Variants in OR5K2 observed in about 807,000 individuals in gnomAD.
The protein encoded by OR5K2 is olfactory receptor 5K2.
For synonymous variants in OR5K2, 124 were observed against 133.2 expected, an observed-to-expected ratio of 0.93 and a Z score of 0.48; for missense variants, 402 against 369.8, an observed-to-expected ratio of 1.09 and a Z score of -0.71.
chr3:98,498,297 T>G lies in OR5K2; in HGVS notation c.617T>G (p.Val206Gly). 1 of 1,613,968 alleles carries G rather than the reference T, an allele frequency of 6.2e-7. No individual in the cohort carries two copies. The highest frequency in any genetic ancestry group is 1.1e-5 in the South Asian group (1 of 91,072). Residue 206 changes from valine to glycine, a missense_variant, in exon 1 of 1, where the codon GTT becomes GGT. Coordinates refer to ENST00000427338, the MANE Select transcript of OR5K2 (RefSeq NM_001004737.1). ...GTTCTATTCATCTTCTCAGGTTCAGTTCAAGTCTTTACCATAGGTAGTGTC... is the reference window on the plus strand; with the variant it reads ...GTTCTATTCATCTTCTCAGGTTCAGGTCAAGTCTTTACCATAGGTAGTGTC... ...ELVLFIFSGS[V>G]QVFTIGSVLI...
Position 98,498,443 on chromosome 3 carries a change from AT to A in OR5K2, c.770del (p.Phe257SerfsTer24), listed in dbSNP as rs747087385. Reference sequence around the variant, plus strand: ...ATCAGTTTCATTATTCTATGGATCTATTTTTTTCCTATACATTAGACCAAAT... The same window carrying A: ...ATCAGTTTCATTATTCTATGGATCTATTTTTTCCTATACATTAGACCAAAT... The part of the protein sequence containing the change: ...FSSVSLFYGS[I>X]FFLYIRPNLL... On this transcript the variant is annotated frameshift_variant, in exon 1 of 1. Transcript: ENST00000427338. LOFTEE classifies it low-confidence loss of function (END_TRUNC). 2.5e-6 allele frequency: 4 copies of A among 1,613,458 alleles called. No homozygotes were observed. Among genetic ancestry groups the A allele is most frequent in the African/African-American group, 1.3e-5 (1 of 74,996 alleles).
chr3:98,498,277 A>T lies in OR5K2; in HGVS notation c.597A>T (p.Leu199=), dbSNP rs775779983. 6.2e-7 allele frequency: 1 copy of T among 1,613,850 alleles called. No individual in the cohort carries two copies. The highest frequency in any genetic ancestry group is 8.5e-7 in the Non-Finnish European group (1 of 1,179,936). ...ACCCTTTCATCAATGAACTGGTTCT[A>T]TTCATCTTCTCAGGTTCAGTTCAAG... is the stretch of plus-strand genomic sequence containing the variant. The part of the protein sequence containing the change: ...CVDPFINELV[L]FIFSGSVQVF... Residue 199 remains leucine, a synonymous_variant, in exon 1 of 1, where the codon CTA becomes CTT. Coordinates refer to ENST00000427338, the MANE Select transcript of OR5K2 (RefSeq NM_001004737.1).
At position 98,498,347 on chromosome 3, in the gene OR5K2, C is replaced by A; in HGVS notation, c.667C>A (p.Leu223Ile). The change falls in exon 1 of 1, where the codon CTT (leucine) becomes ATT (isoleucine). Residue 223 changes from leucine (L) to isoleucine (I), a missense_variant. Coordinates refer to ENST00000427338, the MANE Select transcript of OR5K2 (RefSeq NM_001004737.1). ...SVLISYLYIL[L>I]TIFRMKSKEG... Reference sequence around the variant, plus strand: ...CTTAATATCTTATCTCTATATTCTTCTTACTATTTTCAGAATGAAATCCAA... The same window carrying A: ...CTTAATATCTTATCTCTATATTCTTATTACTATTTTCAGAATGAAATCCAA... 1.2e-6 allele frequency: 2 copies of A among 1,613,770 alleles called. No homozygotes were observed. The highest frequency in any genetic ancestry group is 1.7e-6 in the Non-Finnish European group (2 of 1,179,822).
At position 98,498,572 on chromosome 3, in the gene OR5K2, A is replaced by G. The variant is rs747090680; in HGVS notation, c.892A>G (p.Ile298Val). The G allele has an allele frequency of 1.6e-5, 25 of 1,599,284 alleles. No homozygotes were observed. The Admixed American group carries it at 2.8e-4, about 18-fold the overall frequency. The change falls in exon 1 of 1, where the codon ATA becomes GTA. Residue 298 changes from isoleucine to valine, a missense_variant. Ile to Val is a conservative substitution (Grantham distance 29). Transcript: ENST00000427338. Reference sequence around the variant, plus strand: ...TTATAGTCTGAGAAACAAGGAAGTAATAAGTGTCTTAAGAAAAATTCTGCT... The same window carrying G: ...TTATAGTCTGAGAAACAAGGAAGTAGTAAGTGTCTTAAGAAAAATTCTGCT... ...FIYSLRNKEVISVLRKILLKI... is the reference protein window; with the variant it reads ...FIYSLRNKEVVSVLRKILLKI...
Position 98,498,172 on chromosome 3 carries a change from T to C in OR5K2, c.492T>C (p.Phe164=), listed in dbSNP as rs1459864731. The C allele has an allele frequency of 6.2e-7, 1 of 1,614,108 alleles. No individual in the cohort carries two copies. The highest frequency in any genetic ancestry group is 2.2e-5 in the East Asian group (1 of 44,884). Residue 164 remains phenylalanine (F), a synonymous_variant, in exon 1 of 1, where the codon TTT becomes TTC. Coordinates refer to ENST00000427338, the MANE Select transcript of OR5K2 (RefSeq NM_001004737.1). ...LHSMIHVGLV[F]RLVFCGLNHI... is the part of the protein sequence containing the mutation. ...CCATGATTCATGTAGGGCTTGTATT[T>C]AGGTTAGTTTTCTGTGGATTGAATC... is the stretch of plus-strand genomic sequence containing the variant.
rs1705723063 is a variant in OR5K2, at chr3:98,497,976, TAC to T, written c.298_299del (p.Gln100ValfsTer21). ...AGGATTTCCCTCTATGAATGTGCAG[TAC>T]AGTTTTATTTTCTTTGCACTGTGGA... On this transcript the variant is annotated frameshift_variant, in exon 1 of 1. Transcript: ENST00000427338. LOFTEE classifies it low-confidence loss of function (END_TRUNC). The T allele has an allele frequency of 6.2e-7, 1 of 1,614,000 alleles. No homozygotes were observed. The highest frequency in any genetic ancestry group is 1.7e-5 in the Admixed American group (1 of 59,972).
rs1559646901 is a variant in OR5K2 at position 98,498,304 on chromosome 3, C to T, written c.624C>T (p.Val208=). 1.9e-6 allele frequency: 3 copies of T among 1,613,874 alleles called. No homozygotes were observed. In the South Asian group the frequency reaches 3.3e-5, roughly 18 times the overall value. Residue 208 remains valine (V), a synonymous_variant, in exon 1 of 1, where the codon GTC becomes GTT. Coordinates refer to ENST00000427338, the MANE Select transcript of OR5K2 (RefSeq NM_001004737.1). ...VLFIFSGSVQ[V]FTIGSVLISY... ...TCATCTTCTCAGGTTCAGTTCAAGT[C>T]TTTACCATAGGTAGTGTCTTAATAT...
chr3:98,498,578 G>A lies in OR5K2; in HGVS notation c.898G>A (p.Val300Ile). 6.3e-7 allele frequency: 1 copy of A among 1,595,582 alleles called. No individual in the cohort carries two copies. The change falls in exon 1 of 1, where the codon GTC (valine) becomes ATC (isoleucine). Residue 300 changes from valine (V) to isoleucine (I), a missense_variant. Transcript: ENST00000427338. ...TCTGAGAAACAAGGAAGTAATAAGTGTCTTAAGAAAAATTCTGCTGAAAAT... is the reference window on the plus strand; with the variant it reads ...TCTGAGAAACAAGGAAGTAATAAGTATCTTAAGAAAAATTCTGCTGAAAAT... The part of the protein sequence containing the change: ...YSLRNKEVIS[V>I]LRKILLKIKS...
At position 98,498,137 on chromosome 3, in the gene OR5K2, A is replaced by C; in HGVS notation, c.457A>C (p.Asn153His). Residue 153 changes from asparagine to histidine, a missense_variant, in exon 1 of 1, where the codon AAT becomes CAT. By Grantham distance (68) the Asn-to-His change is moderately conservative. Transcript: ENST00000427338. Reference sequence around the variant, plus strand: ...GACCACAGGCGCCTTCATAGCTGGAAATCTGCATTCCATGATTCATGTAGG... The same window carrying C: ...GACCACAGGCGCCTTCATAGCTGGACATCTGCATTCCATGATTCATGTAGG... ...QMTTGAFIAGNLHSMIHVGLV... is the reference protein window; with the variant it reads ...QMTTGAFIAGHLHSMIHVGLV... The C allele has an allele frequency of 1.2e-6, 2 of 1,614,046 alleles. No homozygotes were observed. The highest frequency in any genetic ancestry group is 1.7e-6 in the Non-Finnish European group (2 of 1,179,956).
chr3:98,497,973 C>A lies in OR5K2; in HGVS notation c.293C>A (p.Ala98Glu). Residue 98 changes from alanine to glutamate, a missense_variant, in exon 1 of 1, where the codon GCA becomes GAA. Coordinates refer to ENST00000427338, the MANE Select transcript of OR5K2 (RefSeq NM_001004737.1). ...AAAAGGATTTCCCTCTATGAATGTG[C>A]AGTACAGTTTTATTTTCTTTGCACT... ...EGKRISLYEC[A>E]VQFYFLCTVE... is the part of the protein sequence containing the mutation. The A allele has an allele frequency of 6.2e-7, 1 of 1,614,072 alleles. No individual in the cohort carries two copies. Among genetic ancestry groups the A allele is most frequent in the Non-Finnish European group, 8.5e-7 (1 of 1,179,976 alleles).
chr3:98,497,827 A>G lies in OR5K2; in HGVS notation c.147A>G (p.Ile49Met). The change falls in exon 1 of 1, where the codon ATA becomes ATG. Residue 49 changes from isoleucine to methionine, a missense_variant. Coordinates refer to ENST00000427338, the MANE Select transcript of OR5K2 (RefSeq NM_001004737.1). The part of the protein sequence containing the change: ...VVGNISLVAL[I>M]FTHCRLHTPM... The stretch of plus-strand genomic sequence containing the variant: ...GGAATATTAGTTTGGTGGCACTGAT[A>G]TTTACACACTGTCGGCTTCACACAC... The G allele has an allele frequency of 1.2e-6, 2 of 1,614,086 alleles. No homozygotes were observed. Among genetic ancestry groups the G allele is most frequent in the Non-Finnish European group, 1.7e-6 (2 of 1,179,970 alleles).
Position 98,498,540 on chromosome 3 carries a change from CT to C in OR5K2, c.863del (p.Phe288SerfsTer5), listed in dbSNP as rs762464380. 1 of 1,607,676 alleles carries C rather than the reference CT, an allele frequency of 6.2e-7. No homozygotes were observed. Among genetic ancestry groups the C allele is most frequent in the African/African-American group, 1.3e-5 (1 of 74,786 alleles). Reference protein sequence around the residue: ...LFTIVVPLLNPFIYSLRNKEV... With the variant: ...LFTIVVPLLNXFIYSLRNKEV... ...ACAATAGTAGTTCCCTTACTAAATC[CT>C]TTCATTTATAGTCTGAGAAACAAGG... On this transcript the variant is annotated frameshift_variant, in exon 1 of 1. Transcript: ENST00000427338. LOFTEE classifies it low-confidence loss of function (END_TRUNC).
At position 98,498,177 on chromosome 3, in the gene OR5K2, T is replaced by C. The variant is rs759725149; in HGVS notation, c.497T>C (p.Leu166Ser). ...ATTCATGTAGGGCTTGTATTTAGGT[T>C]AGTTTTCTGTGGATTGAATCACATC... ...SMIHVGLVFR[L>S]VFCGLNHINH... The change falls in exon 1 of 1, where the codon TTA (leucine) becomes TCA (serine). Residue 166 changes from leucine (L) to serine (S), a missense_variant. Transcript: ENST00000427338. 1.9e-6 allele frequency: 3 copies of C among 1,614,118 alleles called. No homozygotes were observed. The Admixed American group carries it at 5.0e-5, about 27-fold the overall frequency.
At position 98,498,615 on chromosome 3, in the gene OR5K2, GA is replaced by G; in HGVS notation, c.937del (p.Ser313ValfsTer2). The G allele has an allele frequency of 6.4e-7, 1 of 1,567,898 alleles. No individual in the cohort carries two copies. Among genetic ancestry groups the G allele is most frequent in the Middle Eastern group, 1.7e-4 (1 of 5,846 alleles). On this transcript the variant is annotated frameshift_variant, in exon 1 of 1. Coordinates refer to ENST00000427338, the MANE Select transcript of OR5K2 (RefSeq NM_001004737.1). LOFTEE classifies it high-confidence loss of function. ...ATTCTGCTGAAAATAAAATCTCAAG[GA>G]AGTGTGAACAAATGACATCTATCCT... Reference protein sequence around the residue: ...RKILLKIKSQGSVNK With the variant: ...RKILLKIKSQXSVNK
chr3:98,497,822 C>A lies in OR5K2; in HGVS notation c.142C>A (p.Leu48Met). Residue 48 changes from leucine to methionine, a missense_variant, in exon 1 of 1, where the codon CTG (leucine) becomes ATG (methionine). Leu to Met is a conservative substitution (Grantham distance 15). Coordinates refer to ENST00000427338, the MANE Select transcript of OR5K2 (RefSeq NM_001004737.1). ...GGTGGGGAATATTAGTTTGGTGGCACTGATATTTACACACTGTCGGCTTCA... is the reference window on the plus strand; with the variant it reads ...GGTGGGGAATATTAGTTTGGTGGCAATGATATTTACACACTGTCGGCTTCA... ...TVVGNISLVA[L>M]IFTHCRLHTP... 6.2e-7 allele frequency: 1 copy of A among 1,614,116 alleles called. No homozygotes were observed. The highest frequency in any genetic ancestry group is 8.5e-7 in the Non-Finnish European group (1 of 1,179,992).
Position 98,498,212 on chromosome 3 carries a change from T to C in OR5K2, c.532T>C (p.Tyr178His). Residue 178 changes from tyrosine to histidine, a missense_variant, in exon 1 of 1, where the codon TAC (tyrosine) becomes CAC (histidine). Physicochemically the swap from Tyr to His is moderately conservative, Grantham distance 83. Transcript: ENST00000427338. ...TGGATTGAATCACATCAACCACTTT[T>C]ACTGTGATACTCTTCCCTTGTATAG... ...FCGLNHINHF[Y>H]CDTLPLYRLS... is the part of the protein sequence containing the mutation. 1 of 1,614,130 alleles carries C rather than the reference T, an allele frequency of 6.2e-7. No individual in the cohort carries two copies. Among genetic ancestry groups the C allele is most frequent in the Non-Finnish European group, 8.5e-7 (1 of 1,179,972 alleles).
In OR5K2 at chr3:98,498,412, C is replaced by A. The variant is rs762449303; in HGVS notation, c.732C>A (p.His244Gln). 1 of 1,613,540 alleles carries A rather than the reference C, an allele frequency of 6.2e-7. No individual in the cohort carries two copies. Among genetic ancestry groups the A allele is most frequent in the Admixed American group, 1.7e-5 (1 of 59,888 alleles). ...RAKAFSTCAS[H>Q]FSSVSLFYGS... Reference sequence around the variant, plus strand: ...AAGCCTTTTCTACTTGTGCATCCCACTTTTCATCAGTTTCATTATTCTATG... The same window carrying A: ...AAGCCTTTTCTACTTGTGCATCCCAATTTTCATCAGTTTCATTATTCTATG... The change falls in exon 1 of 1, where the codon CAC becomes CAA. Residue 244 changes from histidine to glutamine, a missense_variant. Coordinates refer to ENST00000427338, the MANE Select transcript of OR5K2 (RefSeq NM_001004737.1).
chr3:98,497,899 T>C lies in OR5K2; in HGVS notation c.219T>C (p.Cys73=). The C allele has an allele frequency of 6.2e-7, 1 of 1,614,130 alleles. No homozygotes were observed. The highest frequency in any genetic ancestry group is 8.5e-7 in the Non-Finnish European group (1 of 1,179,984). ...ATCTGGCTCTTGTGGATTCTTGCTG[T>C]GCCTGTGCTATTACCCCCAAAATGT... ...LGNLALVDSC[C]ACAITPKMLE... Residue 73 remains cysteine (C), a synonymous_variant, in exon 1 of 1, where the codon TGT becomes TGC. Coordinates refer to ENST00000427338, the MANE Select transcript of OR5K2 (RefSeq NM_001004737.1).
Position 98,498,574 on chromosome 3 carries a change from A to T in OR5K2, c.894A>T (p.Ile298=), listed in dbSNP as rs764907092. 2.0e-5 allele frequency: 32 copies of T among 1,596,994 alleles called. No homozygotes were observed. The highest frequency in any genetic ancestry group is 2.6e-5 in the Non-Finnish European group (31 of 1,171,004). Residue 298 remains isoleucine, a synonymous_variant, in exon 1 of 1, where the codon ATA becomes ATT. Transcript: ENST00000427338. Reference sequence around the variant, plus strand: ...ATAGTCTGAGAAACAAGGAAGTAATAAGTGTCTTAAGAAAAATTCTGCTGA... The same window carrying T: ...ATAGTCTGAGAAACAAGGAAGTAATTAGTGTCTTAAGAAAAATTCTGCTGA... ...FIYSLRNKEV[I]SVLRKILLKI... is the part of the protein sequence containing the mutation.
Sources: gnomAD v4.1 joint callset for allele counts on GRCh38, gnomAD v4.1.1 for gene constraint, MANE v1.5 for transcripts, NCBI Gene and HGNC (gene_info 2026-07-23, HGNC 2026-07-21) for gene names.